The following XIST variants were observed in gnomAD, a reference collection of about 807,000 sequenced individuals.
XIST encodes the protein X inactive specific transcript (non-protein coding).
exon 6 of XIST, chrX:73,824,630 A>G: frequency 1.8e-6 from 1 of 554,726 alleles, no homozygotes; most frequent in Non-Finnish European, 3.3e-6. Context: ...TACCTAGCTT[A>G]CAGAAAGTTT....
intron 2 of XIST, among the ~76,000 whole-genome samples, chrX:73,834,092 T>G (rs1208019048): frequency 8.9e-6 from 1 of 112,102 alleles, no homozygotes; most frequent in African/African-American, 3.2e-5. Context: ...CCATCCTAAT[T>G]TAATCTAAGA....
chrX:73,849,058 T>TG (rs1241866273), exon 1 of XIST: 1 of 559,332 alleles, frequency 1.8e-6, no homozygotes, highest in African/African-American at 2.2e-5. Context: ...AACAGAACTA[T>TG]GGATAATTGG....
At chrX:73,845,466 G>T (rs760832845) in exon 1 of XIST, 3 of 555,341 alleles carry the variant, frequency 5.4e-6, no homozygotes, top group Non-Finnish European at 6.5e-6. Context: ...CAAATGTAAG[G>T]GTATATGGAG....
chrX:73,843,957 G>A (rs370441571), exon 1 of XIST: 39 of 556,434 alleles, frequency 7.0e-5, no homozygotes, highest in South Asian at 6.9e-4. Flanking sequence ...CCACCAGAAG[G>A]GGCCTTGGAG....
chrX:73,841,132 G>T (rs998408257), intron 1 of XIST, among the ~76,000 whole-genome samples: 36 of 111,528 alleles, frequency 3.2e-4, no homozygotes, highest in African/African-American at 1.1e-3. Context: ...TTCCTACCCA[G>T]GTTATCAGTG....
chrX:73,840,251 T>C (rs67769755), intron 1 of XIST, among the ~76,000 whole-genome samples: 10,378 of 110,318 alleles, frequency 0.094, 610 homozygotes, highest in African/African-American at 0.21. Context: ...TCCAAGAAGG[T>C]TCAAGACCAT....
exon 1 of XIST, chrX:73,852,683 G>T: frequency 2.2e-6 from 1 of 463,692 alleles, no homozygotes; most frequent in Non-Finnish European, 3.7e-6. Flanking sequence ...CTTCAGTCAG[G>T]AAGCTTCCAG....
Position 73,846,208 on chromosome X carries a change from A to T in XIST, n.6516T>A, listed in dbSNP as rs1421010834. The T allele has an allele frequency of 9.0e-6, 5 of 556,878 alleles. No individual in the cohort carries two copies. The East Asian group carries it at 1.6e-4, about 18-fold the overall frequency. 45.9% of individuals were successfully genotyped at this position (556,878 alleles called of 1,213,427 possible). A position where few individuals can be genotyped will look rare whatever the true frequency, so the allele number is the denominator to read the frequency against. On this transcript the variant is annotated non_coding_transcript_exon_variant, in exon 1 of 6. Coordinates refer to ENST00000429829, the Ensembl canonical transcript of XIST. ...AGGAAAAAGGGCCTTGGTGATCAGC[A>T]CCCCTGCTGTACTGCAAAAGGGGTC...
chrX:73,826,663 C>G, exon 6 of XIST: 1 of 559,153 alleles, frequency 1.8e-6, no homozygotes, highest in Non-Finnish European at 3.2e-6. Flanking sequence ...GGGATTTCCC[C>G]AGGTCTTCAA....
At chrX:73,829,973 AG>A (rs1381815309) in intron 4 of XIST, among the ~76,000 whole-genome samples, 1 of 110,702 alleles carries the variant, frequency 9.0e-6, no homozygotes, top group Non-Finnish European at 1.9e-5. Context: ...GTTTGCTTTA[AG>A]TCTCCTGGCT....
exon 1 of XIST, chrX:73,843,276 A>G: frequency 1.8e-6 from 1 of 558,925 alleles, no homozygotes; most frequent in Non-Finnish European, 3.2e-6. Flanking sequence ...TCACATTAAC[A>G]GTACAAGGGG....
At chrX:73,851,248 T>G (rs750122598) in exon 1 of XIST, 3 of 559,031 alleles carry the variant, frequency 5.4e-6, no homozygotes, top group Non-Finnish European at 9.7e-6. Context: ...GATGTCCACG[T>G]GACAAAAGCC....
chrX:73,822,877 C>T (rs760680607), exon 6 of XIST: 2 of 558,618 alleles, frequency 3.6e-6, no homozygotes, highest in East Asian at 3.2e-5. Flanking sequence ...ATCACAGCTA[C>T]TCAATGAAGT....
exon 1 of XIST, chrX:73,846,212 C>T (rs1922764215): frequency 1.8e-6 from 1 of 558,941 alleles, no homozygotes; most frequent in East Asian, 3.2e-5. Context: ...ATCAGCACCC[C>T]TGCTGTACTG....
intron 1 of XIST, chrX:73,837,581 C>A: frequency 2.1e-6 from 1 of 480,828 alleles, no homozygotes; most frequent in South Asian, 3.0e-5. Flanking sequence ...AATAATGTAT[C>A]AATATTGGTT....
exon 6 of XIST, chrX:73,820,701 AGTTT>A (rs1329129010): frequency 1.8e-5 from 10 of 545,370 alleles, no homozygotes; most frequent in Non-Finnish European, 3.3e-5. Flanking sequence ...CCAACTCCCC[AGTTT>A]GTTTCAATTG....
exon 5 of XIST, chrX:73,829,071 A>G (rs1329505233): frequency 1.8e-6 from 1 of 557,056 alleles, no homozygotes; most frequent in Admixed American, 2.2e-5. Context: ...AACTTACTTC[A>G]TTCAGCTATC....
exon 6 of XIST, chrX:73,827,088 C>T (rs1385826740): frequency 1.8e-6 from 1 of 556,726 alleles, no homozygotes; most frequent in Non-Finnish European, 3.2e-6. Context: ...CTGTCTTATA[C>T]TTTGGGCCTT....
exon 1 of XIST, chrX:73,848,379 C>CT (rs757109930): frequency 1.8e-6 from 1 of 556,014 alleles, no homozygotes; most frequent in Non-Finnish European, 3.2e-6. Flanking sequence ...ATATAAAAGA[C>CT]TCAGTTCTAA....
Sources: gnomAD v4.1 joint callset for allele counts (sites outside exome capture counted in the v4.1 genomes callset) on GRCh38, gnomAD v4.1.1 for gene constraint, MANE v1.5 for transcripts, NCBI Gene and HGNC (gene_info 2026-07-23, HGNC 2026-07-21) for gene names.